Variants in ZMYM1 observed in about 807,000 individuals in gnomAD.
The protein encoded by ZMYM1 is zinc finger MYM-type protein 1.
A neutral mutation model predicts 60.0 loss-of-function variants in ZMYM1; 39 were observed. That is an observed-to-expected ratio of 0.65 (90% CI 0.50 to 0.85). The LOEUF is 0.85. ZMYM1 is among the 40% of genes least tolerant of loss of function. The probability of loss-of-function intolerance (pLI) is 0.00; values close to 1 mark genes in which losing one functional copy is unlikely to be tolerated. For synonymous variants in ZMYM1, 413 were observed against 454.0 expected, an observed-to-expected ratio of 0.91 and a Z score of 1.15; for missense variants, 1,171 against 1,309.5, an observed-to-expected ratio of 0.89 and a Z score of 1.63.
At position 35,101,351 on chromosome 1, in the gene ZMYM1, T is replaced by TCCTGACCTCAG. The variant is rs1643645350; in HGVS notation, c.420-2944_420-2943insCCTGACCTCAG. 4.6e-5 allele frequency among the ~76,000 whole-genome samples: 7 copies of TCCTGACCTCAG among 150,810 alleles called. No homozygotes were observed. In the Admixed American group the frequency reaches 4.7e-4, roughly 10 times the overall value. Reference sequence around the variant, plus strand: ...CTCCCAACTCCTGACCTCAGGTATCTGCCTGCCCCAGCCTCCCAGGATTAC... The same window carrying TCCTGACCTCAG: ...CTCCCAACTCCTGACCTCAGGTATCTCCTGACCTCAGGCCTGCCCCAGCCTCCCAGGATTAC... On this transcript the variant is annotated intron_variant, in intron 4 of 9. Coordinates refer to ENST00000359858, the MANE Select transcript of ZMYM1 (RefSeq NM_024772.5).
chr1:35,107,086 C>T (rs1291735491), intron 6 of ZMYM1, among the ~76,000 whole-genome samples: 3 of 150,140 alleles, frequency 2.0e-5, no homozygotes, highest in Admixed American at 6.6e-5. Context: ...CTCCTGACCT[C>T]GTGATCCGCC....
intron 6 of ZMYM1, among the ~76,000 whole-genome samples, chr1:35,106,978 A>G (rs1043980557): frequency 6.6e-6 from 1 of 151,618 alleles, no homozygotes; most frequent in African/African-American, 2.4e-5. Flanking sequence ...CAGCCTCGCG[A>G]GCAGCTGGGA....
chr1:35,110,539 T>C, intron 7 of ZMYM1, 92 bp downstream of exon 7: 1 of 1,113,078 alleles, frequency 9.0e-7, no homozygotes, highest in Non-Finnish European at 1.2e-6. Flanking sequence ...ATTTTCAAAT[T>C]AAACCGACTT....
At chr1:35,098,072 GT>G (rs769804385) in intron 4 of ZMYM1, among the ~76,000 whole-genome samples, 1 of 152,064 alleles carries the variant, frequency 6.6e-6, no homozygotes, top group Non-Finnish European at 1.5e-5. Flanking sequence ...GAAAAGTACT[GT>G]TTCTCTTCAC....
chr1:35,088,345 G>A (rs1042575689), intron 1 of ZMYM1, among the ~76,000 whole-genome samples: 7 of 151,032 alleles, frequency 4.6e-5, no homozygotes, highest in African/African-American at 9.7e-5. Context: ...TTGAACCCGG[G>A]AGGTGGAGGT....
In ZMYM1 at chr1:35,114,666, G is replaced by A. The variant is rs372749596; in HGVS notation, c.2836G>A (p.Asp946Asn). Residue 946 changes from aspartate (D) to asparagine (N), a missense_variant, in exon 10 of 10, where the codon GAT (aspartate) becomes AAT (asparagine). Transcript: ENST00000359858. Reference protein sequence around the residue: ...QKRRKIQKSVDLGNSDNMFFP... With the variant: ...QKRRKIQKSVNLGNSDNMFFP... ...AAGAAGAAAAATTCAGAAATCAGTA[G>A]ATCTTGGCAATTCAGATAATATGTT... 5.0e-6 allele frequency: 8 copies of A among 1,593,566 alleles called. No homozygotes were observed.
chr1:35,071,353 G>A (rs1036438320), intron 1 of ZMYM1, among the ~76,000 whole-genome samples: 2 of 151,828 alleles, frequency 1.3e-5, no homozygotes, highest in Non-Finnish European at 2.9e-5. Flanking sequence ...TTGGAGTCAG[G>A]GTCGGGTCTC....
intron 1 of ZMYM1, among the ~76,000 whole-genome samples, chr1:35,089,376 T>A (rs536104071): frequency 1.3e-5 from 2 of 152,320 alleles, no homozygotes; most frequent in East Asian, 3.9e-4. Context: ...CTTTACTGTT[T>A]GTGTATAATG....
intron 4 of ZMYM1, among the ~76,000 whole-genome samples, chr1:35,099,207 T>C (rs1643505342): frequency 6.6e-6 from 1 of 152,252 alleles, no homozygotes; most frequent in Admixed American, 6.5e-5. Context: ...TTATTATCTG[T>C]TGCTTCAGGT....
chr1:35,078,480 G>C (rs757876742), upstream of ZMYM1, among the ~76,000 whole-genome samples: 2 of 132,974 alleles, frequency 1.5e-5, no homozygotes, highest in African/African-American at 6.7e-5. Flanking sequence ...TGAAAGTATT[G>C]TCAAAAAACA....
At position 35,114,233 on chromosome 1, in the gene ZMYM1, G is replaced by C; in HGVS notation, c.2403G>C (p.Lys801Asn). ...GGCTAAGTCAAAACAAAACATGCAAGAAACATATATCACAATCATGTTGGA... is the reference window on the plus strand; with the variant it reads ...GGCTAAGTCAAAACAAAACATGCAACAAACATATATCACAATCATGTTGGA... ...IYRLSQNKTC[K>N]KHISQSCWTV... Residue 801 changes from lysine (K) to asparagine (N), a missense_variant, in exon 10 of 10, where the codon AAG (lysine) becomes AAC (asparagine). Physicochemically the swap from Lys to Asn is moderately conservative, Grantham distance 94. Transcript: ENST00000359858. The C allele has an allele frequency of 6.2e-7, 1 of 1,613,600 alleles. No homozygotes were observed. The highest frequency in any genetic ancestry group is 2.2e-5 in the East Asian group (1 of 44,840).
Position 35,096,011 on chromosome 1 carries a change from A to G in ZMYM1, c.169+120A>G, listed in dbSNP as rs139657783. On this transcript the variant is annotated intron_variant, in intron 3 of 9. Transcript: ENST00000359858. The stretch of plus-strand genomic sequence containing the variant: ...TTGGGTTTTAAGTCCAGGAGAAGTA[A>G]CCTGTAAGAAAATGAAAGAGAGGCC... 315 of 754,600 alleles carry G rather than the reference A, an allele frequency of 4.2e-4. 1 individual carries two copies. The East Asian group carries it at 7.5e-3, about 18-fold the overall frequency. 46.7% of individuals were successfully genotyped at this position (754,600 alleles called of 1,614,324 possible).
intron 2 of ZMYM1, among the ~76,000 whole-genome samples, chr1:35,094,896 A>G (rs1432348060): frequency 1.3e-5 from 2 of 152,140 alleles, no homozygotes; most frequent in Non-Finnish European, 2.9e-5. Flanking sequence ...GAACCAGCTG[A>G]AAGTTCTAAT....
chr1:35,078,439 CAGTT>C (rs1334365701), upstream of ZMYM1, among the ~76,000 whole-genome samples: 1 of 150,454 alleles, frequency 6.6e-6, no homozygotes, highest in East Asian at 2.0e-4. Context: ...AGGAATAGCA[CAGTT>C]AGTTCGTCCT....
At chr1:35,096,250 T>G (rs1643310722) in intron 3 of ZMYM1, among the ~76,000 whole-genome samples, 1 of 150,944 alleles carries the variant, frequency 6.6e-6, no homozygotes, top group South Asian at 2.1e-4. Context: ...AGGCAGAGGT[T>G]GTGGTGAGCC....
intron 4 of ZMYM1, among the ~76,000 whole-genome samples, chr1:35,099,971 A>G (rs973610012): frequency 2.0e-5 from 3 of 151,898 alleles, no homozygotes; most frequent in African/African-American, 4.8e-5. Context: ...GCTTACTGCA[A>G]CCTCCACCTC....
chr1:35,103,750 G>T (rs1643776057), intron 4 of ZMYM1, among the ~76,000 whole-genome samples: 1 of 152,144 alleles, frequency 6.6e-6, no homozygotes, highest in Non-Finnish European at 1.5e-5. Context: ...TCAACACGGT[G>T]AAAAAGCAAA....
In ZMYM1 at chr1:35,114,603, T is replaced by A; in HGVS notation, c.2773T>A (p.Cys925Ser). The A allele has an allele frequency of 6.2e-7, 1 of 1,609,532 alleles. No homozygotes were observed. Residue 925 changes from cysteine (C) to serine (S), a missense_variant, in exon 10 of 10, where the codon TGT becomes AGT. Coordinates refer to ENST00000359858, the MANE Select transcript of ZMYM1 (RefSeq NM_024772.5). ...AGAGGAAATATGTCAAAAAATAACCTGTAAAGGTTTTAAAGTTGAAAAACC... is the reference window on the plus strand; with the variant it reads ...AGAGGAAATATGTCAAAAAATAACCAGTAAAGGTTTTAAAGTTGAAAAACC... ...GTEEICQKIT[C>S]KGFKVEKPSL... is the part of the protein sequence containing the mutation.
chr1:35,093,011 A>G (rs980884579), intron 1 of ZMYM1, among the ~76,000 whole-genome samples: 14 of 152,230 alleles, frequency 9.2e-5, no homozygotes, highest in African/African-American at 2.9e-4. Context: ...GTGGAACACA[A>G]ACATTTTAGA....
Sources: allele counts gnomAD v4.1 joint callset (sites outside exome capture counted in the v4.1 genomes callset), GRCh38; gene constraint gnomAD v4.1.1; transcripts MANE v1.5; gene names NCBI Gene and HGNC (gene_info 2026-07-23, HGNC 2026-07-21).